DEGS2: variants seen among roughly 807,000 people sequenced by gnomAD.
The protein encoded by DEGS2 is delta 4-desaturase, sphingolipid 2.
Under a neutral mutation model 23.8 loss-of-function variants are expected in DEGS2, and 19 were observed. The observed-to-expected ratio is 0.80, with a 90% CI of 0.56 to 1.17. The LOEUF (loss-of-function observed/expected upper bound fraction) is 1.17, where lower values mean the gene tolerates loss of function less well. Ranked by LOEUF, DEGS2 falls within the 50% of genes most tolerant of loss-of-function variation. DEGS2 has a pLI of 0.00. For synonymous variants in DEGS2, 218 were observed against 213.7 expected, an observed-to-expected ratio of 1.02 and a Z score of -0.18; for missense variants, 390 against 459.5, an observed-to-expected ratio of 0.85 and a Z score of 1.38.
chr14:100,149,491 C>G lies in DEGS2; in HGVS notation c.302G>C (p.Arg101Pro), dbSNP rs141054766. Reference protein sequence around the residue: ...ISHNAAFGTGRAARNRWLAVF... With the variant: ...ISHNAAFGTGPAARNRWLAVF... ...GGCCAGCCAGCGGTTGCGTGCCGCA[C>G]GGCCCGTGCCGAAGGCCGCGTTGTG... The change falls in exon 2 of 3, where the codon CGT becomes CCT. Residue 101 changes from arginine to proline, a missense_variant. Arg to Pro is a moderately radical substitution (Grantham distance 103, BLOSUM62 -2). Coordinates refer to ENST00000305631, the MANE Select transcript of DEGS2 (RefSeq NM_206918.3). 1.3e-6 allele frequency: 2 copies of G among 1,597,998 alleles called. No homozygotes were observed. Among genetic ancestry groups the G allele is most frequent in the East Asian group, 2.3e-5 (1 of 44,378 alleles).
At chr14:100,163,786 C>A (rs1889775889), upstream of DEGS2, among the ~76,000 whole-genome samples, 1 of 152,224 alleles carries the variant, frequency 6.6e-6, no homozygotes, top group African/African-American at 2.4e-5. Context: ...GTGGTGCAGT[C>A]TCAGCTCACT....
At position 100,144,448 on chromosome 14, in the gene DEGS2, A is replaced by G. The variant is rs1304849681; in HGVS notation, c.*2313T>C. 6.6e-6 allele frequency: 1 copy of G among 152,302 alleles called. No homozygotes were observed. Among genetic ancestry groups the G allele is most frequent in the East Asian group, 1.9e-4 (1 of 5,196 alleles). 9.4% of individuals were successfully genotyped at this position (152,302 alleles called of 1,614,324 possible). A position where few individuals can be genotyped will look rare whatever the true frequency, so the allele number is the denominator to read the frequency against. ...AGGTCCTGCCTGTAGGGAACTCCCT[A>G]CGGGATCTCCAGGAAGATGGTCCCT... On this transcript the variant is annotated 3_prime_UTR_variant, in exon 3 of 3. Transcript: ENST00000305631.
intron 1 of DEGS2, among the ~76,000 whole-genome samples, chr14:100,157,898 G>A (rs1478104933): frequency 6.6e-6 from 1 of 152,124 alleles, no homozygotes; most frequent in African/African-American, 2.4e-5. Flanking sequence ...GACCAGCCTA[G>A]CCAACATGGT....
At chr14:100,146,960 G>A (rs999830971) in intron 2 of DEGS2, 53 bp from the exon 3 acceptor site, 65 of 1,580,158 alleles carry the variant, frequency 4.1e-5, no homozygotes, top group Non-Finnish European at 4.9e-5. Flanking sequence ...GGCCGCACCC[G>A]CGAGCACACA....
chr14:100,148,882 T>C (rs1264900668), intron 2 of DEGS2, 86 bp downstream of exon 2: 2 of 1,446,510 alleles, frequency 1.4e-6, no homozygotes, highest in African/African-American at 1.4e-5. Context: ...CTGCTGGGCA[T>C]GGCCCAAGGC....
chr14:100,149,129 G>C lies in DEGS2; in HGVS notation c.664C>G (p.Leu222Val). ...ACGAAGTGGCCCGAGATGGGGTGCA[G>C]GCCCAGGCCCAGGAAGGAGCTGGCC... ...LLASSFLGLGLHPISGHFVAE... is the reference protein window; with the variant it reads ...LLASSFLGLGVHPISGHFVAE... The change falls in exon 2 of 3, where the codon CTG becomes GTG. Residue 222 changes from leucine (L) to valine (V), a missense_variant. Physicochemically the swap from Leu to Val is conservative, Grantham distance 32. Transcript: ENST00000305631. 6.2e-7 allele frequency: 1 copy of C among 1,613,000 alleles called. No homozygotes were observed.
the DEGS2 span, among the ~76,000 whole-genome samples, chr14:100,164,809 G>A: frequency 4.1e-4 from 63 of 152,178 alleles, no homozygotes; most frequent in Non-Finnish European, 8.4e-4. Context: ...CGCATGCCAG[G>A]GTCTATACCC....
chr14:100,151,151 A>T (rs1015812607), intron 1 of DEGS2, among the ~76,000 whole-genome samples: 6 of 152,240 alleles, frequency 3.9e-5, no homozygotes, highest in Non-Finnish European at 7.3e-5. Context: ...CATCTGGGAA[A>T]TGGGGACGCC....
At chr14:100,150,387 A>ACCCCCCC (rs778863717) in intron 1 of DEGS2, among the ~76,000 whole-genome samples, 40 of 92,276 alleles carry the variant, frequency 4.3e-4, no homozygotes, top group South Asian at 8.6e-4. Context: ...CCACCCCAAC[A>ACCCCCCC]CCCCCCCCCG....
In DEGS2 at chr14:100,146,828, AAC is replaced by A; in HGVS notation, c.903_904del (p.Phe302Ter). On this transcript the variant is annotated frameshift_variant, in exon 3 of 3. Transcript: ENST00000305631. LOFTEE classifies it high-confidence loss of function. ...GGCATAGGGCCCCAGGGAGTCCTCA[AAC>A]ACAAAATCCCAGAGCACCTTCACCC... is the stretch of plus-strand genomic sequence containing the variant. 2 of 1,613,784 alleles carry A rather than the reference AAC, an allele frequency of 1.2e-6. No homozygotes were observed. Among genetic ancestry groups the A allele is most frequent in the Non-Finnish European group, 1.7e-6 (2 of 1,179,892 alleles).
intron 1 of DEGS2, among the ~76,000 whole-genome samples, chr14:100,158,120 G>A (rs911054343): frequency 2.7e-5 from 4 of 148,986 alleles, no homozygotes; most frequent in African/African-American, 9.9e-5. Flanking sequence ...AAGTTGTTCA[G>A]GCCAGGCGTG....
Position 100,159,546 on chromosome 14 carries a change from G to A in DEGS2, c.42C>T (p.Tyr14=), listed in dbSNP as rs866634959. ...GCCGCTGCGTGTGCGGCTGGTCGGT[G>A]TAGACCCACTCGAAGTCGCTGCGGC... is the stretch of plus-strand genomic sequence containing the variant. ...SASRSDFEWV[Y]TDQPHTQRRK... Residue 14 remains tyrosine (Y), a synonymous_variant, in exon 1 of 3, where the codon TAC becomes TAT. Coordinates refer to ENST00000305631, the MANE Select transcript of DEGS2 (RefSeq NM_206918.3). The A allele has an allele frequency of 4.0e-6, 6 of 1,509,544 alleles. No individual in the cohort carries two copies. The African/African-American group carries it at 8.7e-5, about 22-fold the overall frequency. The allele number at this position is 1,509,544 out of a possible 1,614,324, so 93.5% of individuals were successfully genotyped here. A position where few individuals can be genotyped will look rare whatever the true frequency, so the allele number is the denominator to read the frequency against.
At chr14:100,150,385 A>ACCC (rs1400260038) in intron 1 of DEGS2, among the ~76,000 whole-genome samples, 2 of 76,558 alleles carry the variant, frequency 2.6e-5, no homozygotes, top group Non-Finnish European at 2.8e-5. Context: ...TCCCACCCCA[A>ACCC]CACCCCCCCC....
upstream of DEGS2, among the ~76,000 whole-genome samples, chr14:100,161,838 G>A (rs1302507426): frequency 6.6e-6 from 1 of 152,098 alleles, no homozygotes; most frequent in Admixed American, 6.5e-5. Flanking sequence ...GGGAGGCTGA[G>A]GTAGGCAGAT....
upstream of DEGS2, among the ~76,000 whole-genome samples, chr14:100,161,007 G>C (rs932754102): frequency 1.3e-5 from 2 of 152,166 alleles, no homozygotes; most frequent in African/African-American, 4.8e-5. Context: ...CAGCCAGAAG[G>C]GTCCTCAGAA....
intron 1 of DEGS2, among the ~76,000 whole-genome samples, chr14:100,158,420 G>A (rs2140426167): frequency 6.6e-6 from 1 of 152,010 alleles, no homozygotes; most frequent in Middle Eastern, 3.4e-3. Flanking sequence ...AAATTAGCCG[G>A]GTGTGGTGGC....
At chr14:100,150,317 G>A (rs1304477754) in intron 1 of DEGS2, among the ~76,000 whole-genome samples, 5 of 151,870 alleles carry the variant, frequency 3.3e-5, no homozygotes, top group Admixed American at 6.6e-5. Flanking sequence ...ACCCAGGGAC[G>A]CCCCTGCCCC....
rs200817337 is a variant in DEGS2 at position 100,148,954 on chromosome 14, G to A, written c.825+14C>T. 2 of 1,609,084 alleles carry A rather than the reference G, an allele frequency of 1.2e-6. No homozygotes were observed. The highest frequency in any genetic ancestry group is 8.5e-7 in the Non-Finnish European group (1 of 1,177,560). On this transcript the variant is annotated intron_variant, in intron 2 of 2. Transcript: ENST00000305631. ...GCCCTGCCCCGCCGCAGCCCTGCCA[G>A]CCCAGCCACATACCAGCGGCAGGTT...
upstream of DEGS2, among the ~76,000 whole-genome samples, chr14:100,162,162 A>G (rs187256353): frequency 0.026 from 3,954 of 150,784 alleles, 82 homozygotes; most frequent in Non-Finnish European, 0.04. Flanking sequence ...CCTGGCTAAC[A>G]CAGTGAAACC....
Sources: gnomAD v4.1 joint callset for allele counts (sites outside exome capture counted in the v4.1 genomes callset) on GRCh38, gnomAD v4.1.1 for gene constraint, MANE v1.5 for transcripts, NCBI Gene and HGNC (gene_info 2026-07-23, HGNC 2026-07-21) for gene names.